THBS4: variants seen among roughly 807,000 people sequenced by gnomAD.
THBS4 encodes the protein thrombospondin-4.
Under a neutral mutation model 115.7 loss-of-function variants are expected in THBS4, and 90 were observed. The ratio of observed to expected loss-of-function variants is 0.78; its 90% CI spans 0.66 to 0.93. THBS4 has a LOEUF of 0.93. THBS4 is among the 40% of genes least tolerant of loss of function. The pLI, the probability that THBS4 is intolerant of heterozygous loss-of-function variation, is 0.00. For synonymous variants in THBS4, 460 were observed against 479.3 expected, an observed-to-expected ratio of 0.96 and a Z score of 0.53; for missense variants, 1,087 against 1,232.7, an observed-to-expected ratio of 0.88 and a Z score of 1.77.
chr5:79,998,127 G>A (rs1831831635), intron 1 of THBS4, among the ~76,000 whole-genome samples: 1 of 152,148 alleles, frequency 6.6e-6, no homozygotes, highest in East Asian at 1.9e-4. Flanking sequence ...CCAGTGATTG[G>A]TAACTGATAT....
intron 7 of THBS4, among the ~76,000 whole-genome samples, chr5:80,061,160 A>T (rs897774356): frequency 2.6e-5 from 4 of 151,946 alleles, no homozygotes; most frequent in African/African-American, 9.7e-5. Flanking sequence ...GAAGTGGTTT[A>T]AAAAAAACAA....
rs79080578 is a variant in THBS4 at position 80,069,727 on chromosome 5, C to G, written c.1348-579C>G. ...TCAGCCTTCCAGGCCTTCCAAAGGC[C>G]CTGCTGGGGCAAGTGAGCAGGAACC... On this transcript the variant is annotated intron_variant, in intron 10 of 21. Transcript: ENST00000350881. Among the ~76,000 whole-genome samples, 763 of 152,296 alleles carry G rather than the reference C, an allele frequency of 5.0e-3. 4 individuals are homozygous for G. Among genetic ancestry groups the G allele is most frequent in the African/African-American group, 0.017 (725 of 41,560 alleles).
At chr5:80,076,572 C>T (rs1000534990) in intron 15 of THBS4, among the ~76,000 whole-genome samples, 8 of 152,090 alleles carry the variant, frequency 5.3e-5, no homozygotes, top group Non-Finnish European at 8.8e-5. Context: ...TCTAGCAGTT[C>T]CCAGGGACTG....
At chr5:80,070,783 C>T (rs1304830567) in intron 12 of THBS4, 33 bp downstream of exon 12, 1 of 1,602,786 alleles carries the variant, frequency 6.2e-7, no homozygotes, top group Non-Finnish European at 8.5e-7. Context: ...CTGTGAATTG[C>T]CACGTACCAG....
At chr5:80,038,571 C>CT (rs374366009) in intron 1 of THBS4, among the ~76,000 whole-genome samples, 114 of 151,280 alleles carry the variant, frequency 7.5e-4, no homozygotes, top group African/African-American at 2.4e-3. Context: ...AAGCCCTTCT[C>CT]TTTTTTTTTG....
upstream of THBS4, among the ~76,000 whole-genome samples, chr5:80,032,706 G>T (rs1832608735): frequency 6.6e-6 from 1 of 152,204 alleles, no homozygotes; most frequent in African/African-American, 2.4e-5. Context: ...ATCAAGGCCA[G>T]AAGACGCAGC....
At position 80,035,680 on chromosome 5, in the gene THBS4, TG is replaced by T; in HGVS notation, c.88+56del. The T allele has an allele frequency of 8.3e-7, 1 of 1,203,230 alleles. No individual in the cohort carries two copies. Among genetic ancestry groups the T allele is most frequent in the Non-Finnish European group, 1.1e-6 (1 of 940,226 alleles). The allele number at this position is 1,203,230 out of a possible 1,614,324, so 74.5% of individuals were successfully genotyped here. On this transcript the variant is annotated intron_variant, in intron 1 of 21. Coordinates refer to ENST00000350881, the MANE Select transcript of THBS4 (RefSeq NM_003248.6). This position sits in a 1 kb window ranked among gnomAD's most constrained non-coding sequence, Gnocchi z 4.6. The stretch of plus-strand genomic sequence containing the variant: ...GCCGGGCACCGGGTGCCCCATCTGC[TG>T]AGTGAGTGGAGGGACTTGCTCGGCC...
At chr5:80,075,851 T>G (rs1193866504) in intron 15 of THBS4, among the ~76,000 whole-genome samples, 1 of 152,236 alleles carries the variant, frequency 6.6e-6, no homozygotes. Flanking sequence ...ATTTTCTGCT[T>G]GTCAAGGCTG....
At chr5:80,001,985 C>T (rs1831908187) in intron 2 of THBS4, among the ~76,000 whole-genome samples, 1 of 152,078 alleles carries the variant, frequency 6.6e-6, no homozygotes, top group African/African-American at 2.4e-5. Context: ...AGAAGAAAAA[C>T]AATACTAATT....
intron 3 of THBS4, among the ~76,000 whole-genome samples, chr5:80,057,712 C>T (rs1265516107): frequency 1.3e-5 from 2 of 152,042 alleles, no homozygotes; most frequent in African/African-American, 2.4e-5. Flanking sequence ...AATATCAACC[C>T]GTAATATAAA....
intron 8 of THBS4, 132 bp downstream of exon 8, chr5:80,061,964 A>C: frequency 9.8e-7 from 1 of 1,022,966 alleles, no homozygotes; most frequent in Non-Finnish European, 1.3e-6. Context: ...GTGCAAAATG[A>C]GCAAATTAGG....
At chr5:80,042,843 A>G (rs182107863) in intron 2 of THBS4, among the ~76,000 whole-genome samples, 73 of 152,174 alleles carry the variant, frequency 4.8e-4, no homozygotes, top group African/African-American at 1.5e-3. Flanking sequence ...GTATGTGCCT[A>G]TAGTCACAGC....
intron 2 of THBS4, among the ~76,000 whole-genome samples, chr5:80,049,390 G>A (rs1223276908): frequency 2.0e-5 from 3 of 152,124 alleles, no homozygotes; most frequent in Non-Finnish European, 2.9e-5. Flanking sequence ...TGGGGTTACA[G>A]GCAGGCGCCA....
intron 13 of THBS4, chr5:80,072,040 A>G (rs1272196122): frequency 6.3e-6 from 3 of 476,938 alleles, no homozygotes; most frequent in African/African-American, 1.9e-5. Flanking sequence ...GGTTGCTATC[A>G]TAGCCCTTGA....
At chr5:80,018,389 C>CTTTTTT (rs35373315) in intron 2 of THBS4, among the ~76,000 whole-genome samples, 5 of 100,004 alleles carry the variant, frequency 5.0e-5, no homozygotes, top group East Asian at 2.6e-4. Context: ...TTCAAATATA[C>CTTTTTT]TTTTTTTTTT....
intron 2 of THBS4, among the ~76,000 whole-genome samples, chr5:80,011,994 G>A (rs983495370): frequency 6.6e-6 from 1 of 151,982 alleles, no homozygotes; most frequent in South Asian, 2.1e-4. Flanking sequence ...ACATAATAAT[G>A]TTCTGTTTAA....
intron 2 of THBS4, among the ~76,000 whole-genome samples, chr5:80,051,675 G>C (rs1833262783): frequency 6.6e-6 from 1 of 152,162 alleles, no homozygotes; most frequent in African/African-American, 2.4e-5. Context: ...ATGTTGAATT[G>C]CTGCTCTCTA....
Position 80,073,257 on chromosome 5 carries a change from GT to G in THBS4, c.1840-17del. The G allele has an allele frequency of 6.2e-7, 1 of 1,613,642 alleles. No individual in the cohort carries two copies. Among genetic ancestry groups the G allele is most frequent in the Non-Finnish European group, 8.5e-7 (1 of 1,179,660 alleles). ...ATGCAGGCCCAGGAATAAATAACAT[GT>G]GCTGTTCTCTTTGCAGTCTGATGTG... On this transcript the variant is annotated splice_polypyrimidine_tract_variant and intron_variant, in intron 14 of 21. Transcript: ENST00000350881.
intron 10 of THBS4, among the ~76,000 whole-genome samples, chr5:80,069,186 A>G (rs4703797): frequency 0.29 from 43,814 of 152,030 alleles, 6,589 homozygotes; most frequent in Middle Eastern, 0.38. Context: ...GCCCTTTTCC[A>G]TCTTTATCTC....
Sources: gnomAD v4.1 joint callset for allele counts (sites outside exome capture counted in the v4.1 genomes callset) on GRCh38, gnomAD v4.1.1 for gene constraint, Gnocchi (gnomAD v3.1) non-coding constraint, MANE v1.5 for transcripts, NCBI Gene and HGNC (gene_info 2026-07-23, HGNC 2026-07-21) for gene names.